APAF1: variants seen among roughly 807,000 people sequenced by gnomAD.
APAF1 encodes the protein apoptotic protease-activating factor 1.
Under a neutral mutation model 152.4 loss-of-function variants are expected in APAF1, and 91 were observed. The ratio of observed to expected loss-of-function variants is 0.60; its 90% CI spans 0.50 to 0.71. APAF1 has a LOEUF of 0.71. Among genes scored for constraint, APAF1 ranks in the 30% least tolerant of loss-of-function variants. APAF1 has a pLI of 0.00. For missense variants in APAF1, 1,283 were observed against 1,472.0 expected (o/e 0.87, Z 2.10); for synonymous variants, 484 against 494.1 (o/e 0.98, Z 0.27).
At chr12:98,708,848 TAA>T in intron 20 of APAF1, 144 bp downstream of exon 20, 1 of 766,368 alleles carries the variant, frequency 1.3e-6, no homozygotes, top group Non-Finnish European at 2.1e-6. Flanking sequence ...TAAATATATA[TAA>T]GTCTTGAGCT....
rs149223130 is a variant in APAF1 at position 98,667,587 on chromosome 12, C to G, written c.1437C>G (p.Asp479Glu). 7.3e-4 allele frequency: 1,179 copies of G among 1,614,038 alleles called. 2 individuals are homozygous for G. Among genetic ancestry groups the G allele is most frequent in the Non-Finnish European group, 8.9e-4 (1,045 of 1,179,956 alleles). The change falls in exon 10 of 27, where the codon GAC becomes GAG. Residue 479 changes from aspartate to glutamate, a missense_variant. Physicochemically the swap from Asp to Glu is conservative, Grantham distance 45 (BLOSUM62 2). Transcript: ENST00000551964. Reference protein sequence around the residue: ...QPHTLSPDQEDCMYWYNFLAY... With the variant: ...QPHTLSPDQEECMYWYNFLAY... ...ATACTCTTTCACCAGATCAGGAAGA[C>G]TGTATGTATTGGTACAACTTTCTGG... is the stretch of plus-strand genomic sequence containing the variant.
In APAF1 at chr12:98,723,330, T is replaced by C. The variant is rs2153343806; in HGVS notation, c.3204+18T>C. 1 of 1,611,638 alleles carries C rather than the reference T, an allele frequency of 6.2e-7. No individual in the cohort carries two copies. Among genetic ancestry groups the C allele is most frequent in the African/African-American group, 1.3e-5 (1 of 75,008 alleles). On this transcript the variant is annotated intron_variant, in intron 23 of 26. Coordinates refer to ENST00000551964, the MANE Select transcript of APAF1 (RefSeq NM_181861.2). ...CAGTGAAGGTAATTTAAAGTATAAATTTGTTTTTTGAAAAAGTATTCTCAT... is the reference window on the plus strand; with the variant it reads ...CAGTGAAGGTAATTTAAAGTATAAACTTGTTTTTTGAAAAAGTATTCTCAT...
intron 4 of APAF1, among the ~76,000 whole-genome samples, chr12:98,658,933 G>T (rs2097661199): frequency 6.6e-6 from 1 of 152,164 alleles, no homozygotes; most frequent in South Asian, 2.1e-4. Context: ...TTCCCGATAA[G>T]CCACAGATTT....
chr12:98,726,392 G>A (rs895398189), intron 25 of APAF1: 4 of 152,522 alleles, frequency 2.6e-5, no homozygotes, highest in Non-Finnish European at 2.9e-5. Flanking sequence ...TTGGTAACCA[G>A]TGTAGATGAG....
intron 12 of APAF1, among the ~76,000 whole-genome samples, chr12:98,676,650 G>GTTTT (rs34774971): frequency 6.9e-6 from 1 of 145,838 alleles, no homozygotes; most frequent in Non-Finnish European, 1.5e-5. Flanking sequence ...GAGAGAAGCA[G>GTTTT]TTTTTTTTTT....
Position 98,708,569 on chromosome 12 carries a change from T to C in APAF1, c.2722-16T>C, listed in dbSNP as rs2097724362. The C allele has an allele frequency of 6.2e-7, 1 of 1,611,186 alleles. No homozygotes were observed. The highest frequency in any genetic ancestry group is 1.3e-5 in the African/African-American group (1 of 74,874). On this transcript the variant is annotated splice_polypyrimidine_tract_variant and intron_variant, in intron 19 of 26. Transcript: ENST00000551964. The stretch of plus-strand genomic sequence containing the variant: ...ATTTTAGAGATGGAATGATAATTTC[T>C]TTATCTCTTAATCAGCTCTGGGAGA...
At chr12:98,656,120 G>T (rs2097657261) in intron 4 of APAF1, among the ~76,000 whole-genome samples, 1 of 152,042 alleles carries the variant, frequency 6.6e-6, no homozygotes, top group East Asian at 1.9e-4. Flanking sequence ...TAGGGACGTG[G>T]TTTCACCATG....
chr12:98,718,543 G>C (rs933363571), intron 22 of APAF1, among the ~76,000 whole-genome samples: 1 of 151,420 alleles, frequency 6.6e-6, no homozygotes, highest in African/African-American at 2.4e-5. Context: ...TCTTTTTTAT[G>C]TAAAATCAAG....
Position 98,721,096 on chromosome 12 carries a change from C to T in APAF1, c.3085-2097C>T, listed in dbSNP as rs1484701871. Among the ~76,000 whole-genome samples the T allele has an allele frequency of 3.9e-5, 6 of 152,266 alleles. No homozygotes were observed. In the East Asian group the frequency reaches 1.2e-3, roughly 29 times the overall value. ...ATGATAGAGACATCCCCAAACTCAA[C>T]TTTTGCATTTGACTAATGGTGGTGG... is the stretch of plus-strand genomic sequence containing the variant. On this transcript the variant is annotated intron_variant, in intron 22 of 26. Transcript: ENST00000551964.
At chr12:98,664,907 G>C (rs549736726) in intron 7 of APAF1, among the ~76,000 whole-genome samples, 3 of 152,216 alleles carry the variant, frequency 2.0e-5, no homozygotes, top group Admixed American at 6.5e-5. Context: ...AAATTTACCA[G>C]TGGCATAATA....
chr12:98,651,118 C>T (rs1384272178), intron 4 of APAF1, among the ~76,000 whole-genome samples: 1 of 152,206 alleles, frequency 6.6e-6, no homozygotes, highest in African/African-American at 2.4e-5. Flanking sequence ...GGCAACTGTA[C>T]ATGTGAGCTT....
Position 98,674,165 on chromosome 12 carries a change from A to AT in APAF1, c.1793+2453dup, listed in dbSNP as rs906259337. Among the ~76,000 whole-genome samples, 5 of 151,930 alleles carry AT rather than the reference A, an allele frequency of 3.3e-5. No homozygotes were observed. The East Asian group carries it at 7.8e-4, about 24-fold the overall frequency. On this transcript the variant is annotated intron_variant, in intron 12 of 26. Coordinates refer to ENST00000551964, the MANE Select transcript of APAF1 (RefSeq NM_181861.2). ...CACATATTACCATGCCTAATTTTTT[A>AT]TTTTTTTGTAGAGATAAGGTCTCAC...
chr12:98,723,602 A>G, intron 23 of APAF1, 37 bp from the exon 24 acceptor site: 1 of 1,535,670 alleles, frequency 6.5e-7, no homozygotes. Context: ...TGTTCTTAAA[A>G]GTGTCAACCT....
chr12:98,703,944 A>C (rs111387764), intron 18 of APAF1, among the ~76,000 whole-genome samples: 4 of 152,244 alleles, frequency 2.6e-5, no homozygotes, highest in African/African-American at 9.6e-5. Flanking sequence ...GTTCATTGCC[A>C]GGCACTAATG....
At chr12:98,649,232 A>T (rs2097645987) in intron 3 of APAF1, 1 of 984,022 alleles carries the variant, frequency 1.0e-6, no homozygotes, top group South Asian at 4.7e-5. Flanking sequence ...AAAGTCAGGA[A>T]ATAATTGGGT....
At chr12:98,723,896 G>A in intron 24 of APAF1, 132 bp downstream of exon 24, 2 of 963,966 alleles carry the variant, frequency 2.1e-6, no homozygotes, top group Non-Finnish European at 3.2e-6. Flanking sequence ...TCTTTTGGAG[G>A]ATGCCCATTG....
At chr12:98,696,738 C>T (rs2097710385) in intron 16 of APAF1, among the ~76,000 whole-genome samples, 1 of 152,058 alleles carries the variant, frequency 6.6e-6, no homozygotes, top group South Asian at 2.1e-4. Context: ...TCAAGTGGTC[C>T]GCTTGCCTAA....
At chr12:98,712,681 T>A (rs888175381) in intron 21 of APAF1, 2 of 439,356 alleles carry the variant, frequency 4.6e-6, no homozygotes, top group Non-Finnish European at 4.1e-6. Flanking sequence ...CATGCCCGAC[T>A]AATTTTTTTT....
In APAF1 at chr12:98,682,044, A is replaced by ATTT. The variant is rs1201758624; in HGVS notation, c.2047-1094_2047-1092dup. Among the ~76,000 whole-genome samples, 46 of 141,220 alleles carry ATTT rather than the reference A, an allele frequency of 3.3e-4. 1 individual carries two copies. Among genetic ancestry groups the ATTT allele is most frequent in the African/African-American group, 1.2e-3 (43 of 36,924 alleles). 92.6% of individuals were successfully genotyped at this position (141,220 alleles called of 152,430 possible). ...TACATAGTAACTAGAATGATGATTA[A>ATTT]TTTTTTTGTTTTTTTTTTTTTTTTT... On this transcript the variant is annotated intron_variant, in intron 14 of 26. Coordinates refer to ENST00000551964, the MANE Select transcript of APAF1 (RefSeq NM_181861.2).
Sources: allele counts gnomAD v4.1 joint callset (sites outside exome capture counted in the v4.1 genomes callset), GRCh38; gene constraint gnomAD v4.1.1; transcripts MANE v1.5; gene names NCBI Gene and HGNC (gene_info 2026-07-23, HGNC 2026-07-21).